The following CCDC7 variants were observed in gnomAD, a reference collection of about 807,000 sequenced individuals.
The protein encoded by CCDC7 is coiled-coil domain containing 7, also known as coiled-coil domain-containing protein 7.
In CCDC7, 183 loss-of-function variants were observed where a neutral mutation model predicts 196.9. The ratio of observed to expected loss-of-function variants is 0.93; its 90% CI spans 0.82 to 1.05. The LOEUF (loss-of-function observed/expected upper bound fraction) is 1.05. Among genes scored for constraint, CCDC7 ranks in the 50% least tolerant of loss-of-function variants. The probability of loss-of-function intolerance (pLI) is 0.00; values close to 1 mark genes in which losing one functional copy is unlikely to be tolerated. For synonymous variants in CCDC7, 525 were observed against 484.6 expected (o/e 1.08, Z -1.10); for missense variants, 1,540 against 1,482.2 (o/e 1.04, Z -0.64).
chr10:32,700,024 A>C (rs893462648), intron 24 of CCDC7, among the ~76,000 whole-genome samples: 1 of 149,378 alleles, frequency 6.7e-6, no homozygotes, highest in Non-Finnish European at 1.5e-5. Flanking sequence ...CTCTGATGGT[A>C]GTTTCTTTTG....
At chr10:32,776,543 A>G (rs531797987) in intron 28 of CCDC7, among the ~76,000 whole-genome samples, 5 of 152,304 alleles carry the variant, frequency 3.3e-5, no homozygotes, top group African/African-American at 1.2e-4. Context: ...CCAGGTTTTT[A>G]TACTTAATAA....
Position 32,640,877 on chromosome 10 carries a change from T to C in CCDC7, c.2014+5719T>C, listed in dbSNP as rs1463570517. Among the ~76,000 whole-genome samples the C allele has an allele frequency of 4.8e-4, 18 of 37,114 alleles. 1 individual carries two copies. The highest frequency in any genetic ancestry group is 8.1e-4 in the African/African-American group (15 of 18,408). The allele number at this position is 37,114 out of a possible 152,430, so 24.3% of individuals were successfully genotyped here. On this transcript the variant is annotated intron_variant, in intron 20 of 41. Coordinates refer to ENST00000639629, the Ensembl canonical transcript of CCDC7. ...CTTGTAGATTTTCTTTTTTTTTTTC[T>C]TTTTTTTTTTATTATACTCTAAGTT... is the stretch of plus-strand genomic sequence containing the variant.
Position 32,754,128 on chromosome 10 carries a change from AGAAAT to A in CCDC7, c.2905+24674_2905+24678del, listed in dbSNP as rs558307642. On this transcript the variant is annotated intron_variant, in intron 28 of 41. Transcript: ENST00000639629. ...AAAACCTGTTATTATAAATATTAGAAGAAATGATACAACACGATTATTACTTACAG... is the reference window on the plus strand; with the variant it reads ...AAAACCTGTTATTATAAATATTAGAAGATACAACACGATTATTACTTACAG... Among the ~76,000 whole-genome samples, 722 of 152,288 alleles carry A rather than the reference AGAAAT, an allele frequency of 4.7e-3. 9 individuals are homozygous for A. The highest frequency in any genetic ancestry group is 0.017 in the African/African-American group (690 of 41,572).
intron 18 of CCDC7, among the ~76,000 whole-genome samples, chr10:32,601,643 C>G (rs1161911164): frequency 6.6e-6 from 1 of 152,118 alleles, no homozygotes; most frequent in Non-Finnish European, 1.5e-5. Flanking sequence ...TAAAAATGTA[C>G]CAATCAGTGC....
intron 18 of CCDC7, among the ~76,000 whole-genome samples, chr10:32,590,538 A>AT (rs2059689052): frequency 6.6e-6 from 1 of 152,058 alleles, no homozygotes; most frequent in African/African-American, 2.4e-5. Flanking sequence ...TTATAGTGTT[A>AT]TACTATTCTC....
At chr10:32,804,951 AC>A in intron 29 of CCDC7, 63 bp from the exon 31 acceptor site, 1 of 845,562 alleles carries the variant, frequency 1.2e-6, no homozygotes, top group Non-Finnish European at 2.0e-6. Flanking sequence ...ACACACACAC[AC>A]CCCTCACATT....
intron 31 of CCDC7, among the ~76,000 whole-genome samples, chr10:32,822,690 A>G (rs987776928): frequency 6.6e-6 from 1 of 152,194 alleles, no homozygotes; most frequent in African/African-American, 2.4e-5. Context: ...TGTAAATGTG[A>G]AAAAGATTAT....
intron 28 of CCDC7, among the ~76,000 whole-genome samples, chr10:32,770,533 T>C (rs192171439): frequency 3.9e-5 from 6 of 152,300 alleles, no homozygotes; most frequent in South Asian, 2.1e-4. Flanking sequence ...TGTGGCCTAT[T>C]ATATGGTCTG....
At chr10:32,615,067 A>T (rs1564834517) in intron 18 of CCDC7, among the ~76,000 whole-genome samples, 1 of 152,130 alleles carries the variant, frequency 6.6e-6, no homozygotes, top group Admixed American at 6.5e-5. Context: ...CATTCTCTTT[A>T]TCCATTCCTC....
At chr10:32,752,103 A>G (rs1255971899) in intron 28 of CCDC7, among the ~76,000 whole-genome samples, 1 of 152,106 alleles carries the variant, frequency 6.6e-6, no homozygotes, top group Non-Finnish European at 1.5e-5. Context: ...GGCAATATCC[A>G]TATTATTTTT....
At chr10:32,444,511 A>C (rs889912872), upstream of CCDC7, among the ~76,000 whole-genome samples, 1 of 152,200 alleles carries the variant, frequency 6.6e-6, no homozygotes, top group East Asian at 1.9e-4. Context: ...TTGACCGTTA[A>C]GATTTTACCA....
intron 28 of CCDC7, among the ~76,000 whole-genome samples, chr10:32,764,932 G>C (rs1401972603): frequency 6.6e-6 from 1 of 152,068 alleles, no homozygotes; most frequent in Non-Finnish European, 1.5e-5. Flanking sequence ...AGTCTGACTT[G>C]AGATATCTAT....
intron 28 of CCDC7, among the ~76,000 whole-genome samples, chr10:32,758,428 T>C (rs1220920788): frequency 6.6e-6 from 1 of 152,200 alleles, no homozygotes; most frequent in Non-Finnish European, 1.5e-5. Context: ...ATCCCTGCGA[T>C]GGAAGGCTGG....
intron 29 of CCDC7, among the ~76,000 whole-genome samples, chr10:32,788,746 C>T (rs1227656026): frequency 1.3e-5 from 2 of 152,214 alleles, no homozygotes; most frequent in Non-Finnish European, 2.9e-5. Context: ...GCTAAAGGTC[C>T]ACCCCTATAC....
chr10:32,862,838 A>C (rs893457214), intron 41 of CCDC7, among the ~76,000 whole-genome samples: 1 of 152,116 alleles, frequency 6.6e-6, no homozygotes, highest in Non-Finnish European at 1.5e-5. Context: ...AACATACAAA[A>C]ATCAGATACA....
exon 19 of CCDC7, chr10:32,634,345 T>C: frequency 8.6e-7 from 1 of 1,161,412 alleles, no homozygotes; most frequent in Non-Finnish European, 1.1e-6. Context: ...AAAGAACTTC[T>C]AGTATGGAAA....
intron 41 of CCDC7, among the ~76,000 whole-genome samples, chr10:32,863,640 T>C (rs1250783172): frequency 6.6e-6 from 1 of 151,932 alleles, no homozygotes; most frequent in Non-Finnish European, 1.5e-5. Context: ...TCCAGGTGTA[T>C]GCAATGGGGA....
chr10:32,754,729 G>C (rs973171968), intron 28 of CCDC7, among the ~76,000 whole-genome samples: 2 of 152,118 alleles, frequency 1.3e-5, no homozygotes, highest in Non-Finnish European at 2.9e-5. Context: ...GGTGATTTGT[G>C]CATTTTCAAC....
chr10:32,600,323 G>A (rs183326612), intron 18 of CCDC7, among the ~76,000 whole-genome samples: 1 of 145,728 alleles, frequency 6.9e-6, no homozygotes, highest in East Asian at 2.0e-4. Flanking sequence ...TGCAGCTATT[G>A]TAAAAAAGAT....
Sources: allele counts gnomAD v4.1 joint callset (sites outside exome capture counted in the v4.1 genomes callset), GRCh38; gene constraint gnomAD v4.1.1; transcripts MANE v1.5; gene names NCBI Gene and HGNC (gene_info 2026-07-23, HGNC 2026-07-21).